RIOK3: variants seen among roughly 807,000 people sequenced by gnomAD.
RIOK3 encodes RIO kinase 3.
RIOK3 carries 40 observed loss-of-function variants against 63.5 expected under a neutral mutation model. That is an observed-to-expected ratio of 0.63 (90% CI 0.49 to 0.82). The LOEUF (loss-of-function observed/expected upper bound fraction) is 0.82, where lower values mean the gene tolerates loss of function less well. Among genes scored for constraint, RIOK3 ranks in the 40% least tolerant of loss-of-function variants. The pLI is 0.00. For synonymous variants in RIOK3, 193 were observed against 205.0 expected (o/e 0.94, Z 0.50); for missense variants, 557 against 637.0 (o/e 0.87, Z 1.35).
intron 7 of RIOK3, among the ~76,000 whole-genome samples, chr18:23,472,937 T>C (rs1163320043): frequency 6.6e-6 from 1 of 152,252 alleles, no homozygotes; most frequent in African/African-American, 2.4e-5. Context: ...ACCTTTCCAA[T>C]GAAGAGGGAC....
Position 23,466,245 on chromosome 18 carries a change from GC to G in RIOK3, c.658del (p.Leu220TyrfsTer100). ...HAYSEERRSARLHEKKEHSTA... is the reference protein window; with the variant it reads ...HAYSEERRSAXLHEKKEHSTA... ...TACTCAGAAGAACGTCGAAGTGCCC[GC>G]CTACATGAGAAAAAGGAGCATTCTA... On this transcript the variant is annotated frameshift_variant, in exon 6 of 13. Coordinates refer to ENST00000339486, the MANE Select transcript of RIOK3 (RefSeq NM_003831.5). LOFTEE classifies it high-confidence loss of function. 6.2e-7 allele frequency: 1 copy of G among 1,609,752 alleles called. No individual in the cohort carries two copies. The highest frequency in any genetic ancestry group is 8.5e-7 in the Non-Finnish European group (1 of 1,178,218).
intron 7 of RIOK3, among the ~76,000 whole-genome samples, chr18:23,469,437 C>T (rs1447412499): frequency 2.3e-5 from 3 of 129,390 alleles, no homozygotes; most frequent in Non-Finnish European, 5.0e-5. Flanking sequence ...TCTCCCTCTC[C>T]TCTCTCCTCT....
intron 9 of RIOK3, 118 bp downstream of exon 9, chr18:23,475,225 T>C (rs1223184727): frequency 1.1e-5 from 8 of 746,672 alleles, no homozygotes; most frequent in Non-Finnish European, 1.7e-5. Flanking sequence ...ATCTAGAACT[T>C]TGGGAGGCTC....
rs1173380978 is a variant in RIOK3, at chr18:23,469,443, CCT to C, written c.815+1932_815+1933del. 2.4e-3 allele frequency among the ~76,000 whole-genome samples: 308 copies of C among 128,886 alleles called. 3 individuals carry two copies. The highest frequency in any genetic ancestry group is 7.6e-3 in the African/African-American group (268 of 35,438). The allele number at this position is 128,886 out of a possible 152,430, so 84.6% of individuals were successfully genotyped here. On this transcript the variant is annotated intron_variant, in intron 7 of 12. Transcript: ENST00000339486. ...CTCTCTCTCTCTCCCTCTCCTCTCT[CCT>C]CTCTCTCTCTCTCTTTTTCTTTCTT... is the stretch of plus-strand genomic sequence containing the variant.
chr18:23,472,044 C>G (rs1487348415), intron 7 of RIOK3, among the ~76,000 whole-genome samples: 1 of 151,912 alleles, frequency 6.6e-6, no homozygotes, highest in African/African-American at 2.4e-5. Flanking sequence ...ACCAGCCTGG[C>G]CAACATGGTG....
chr18:23,474,721 C>T (rs2057477645), intron 8 of RIOK3, among the ~76,000 whole-genome samples: 1 of 152,146 alleles, frequency 6.6e-6, no homozygotes, highest in Admixed American at 6.5e-5. Flanking sequence ...TAGCTCCTAC[C>T]CATACCTCTG....
Position 23,475,009 on chromosome 18 carries a change from A to G in RIOK3, c.1075A>G (p.Met359Val). The change falls in exon 9 of 13, where the codon ATG becomes GTG. Residue 359 changes from methionine (M) to valine (V), a missense_variant. By Grantham distance (21) the Met-to-Val change is conservative. Transcript: ENST00000339486. Reference sequence around the variant, plus strand: ...ACTACTGAAGAAACACATTTTAGTTATGTCTTTTATTGGCCATGATCAAGT... The same window carrying G: ...ACTACTGAAGAAACACATTTTAGTTGTGTCTTTTATTGGCCATGATCAAGT... ...VVLLKKHILV[M>V]SFIGHDQVPA... The G allele has an allele frequency of 6.2e-7, 1 of 1,612,168 alleles. No individual in the cohort carries two copies. The highest frequency in any genetic ancestry group is 8.5e-7 in the Non-Finnish European group (1 of 1,178,220).
chr18:23,477,888 G>T (rs900620108), intron 11 of RIOK3, among the ~76,000 whole-genome samples: 3 of 151,960 alleles, frequency 2.0e-5, no homozygotes, highest in African/African-American at 4.8e-5. Context: ...CGGCCAACAT[G>T]GTGAAACGCT....
intron 7 of RIOK3, among the ~76,000 whole-genome samples, chr18:23,472,392 T>C (rs2057462350): frequency 6.6e-6 from 1 of 152,214 alleles, no homozygotes; most frequent in African/African-American, 2.4e-5. Context: ...TGGGAGAATA[T>C]GGTACAGAAG....
intron 11 of RIOK3, among the ~76,000 whole-genome samples, chr18:23,478,049 G>C (rs959081366): frequency 3.3e-5 from 5 of 150,030 alleles, no homozygotes; most frequent in Admixed American, 3.3e-4. Flanking sequence ...TCCAGCCTGG[G>C]TGACAGAGCA....
intron 11 of RIOK3, among the ~76,000 whole-genome samples, chr18:23,477,766 CAAAAAAA>C (rs538290499): frequency 1.4e-5 from 1 of 69,166 alleles, no homozygotes; most frequent in South Asian, 4.3e-4. Context: ...GGCTCCGTCT[CAAAAAAA>C]AAAAAAAAAA....
Position 23,474,972 on chromosome 18 carries a change from T to C in RIOK3, c.1038T>C (p.Cys346=), listed in dbSNP as rs896587757. The change falls in exon 9 of 13, where the codon TGT becomes TGC. Residue 346 remains cysteine (C), a synonymous_variant. Transcript: ENST00000339486. The stretch of plus-strand genomic sequence containing the variant: ...GAATGCAGAGAGCTGGAATTCCTTG[T>C]CCAACAGTTGTACTACTGAAGAAAC... ...LARMQRAGIP[C]PTVVLLKKHI... 6 of 1,611,580 alleles carry C rather than the reference T, an allele frequency of 3.7e-6. No individual in the cohort carries two copies. The highest frequency in any genetic ancestry group is 5.1e-6 in the Non-Finnish European group (6 of 1,177,820).
At chr18:23,455,386 T>C (rs905965834) in intron 1 of RIOK3, among the ~76,000 whole-genome samples, 5 of 146,684 alleles carry the variant, frequency 3.4e-5, no homozygotes, top group Non-Finnish European at 6.0e-5. Context: ...TTCTTTTTTT[T>C]TTTTTCTTTT....
Position 23,464,003 on chromosome 18 carries a change from T to G in RIOK3, c.216T>G (p.Ile72Met), listed in dbSNP as rs2057388751. ...GACCATTTATTACTGGAGAAAACATTGATACTTCCAGTGACCTTATGCTGG... is the reference window on the plus strand; with the variant it reads ...GACCATTTATTACTGGAGAAAACATGGATACTTCCAGTGACCTTATGCTGG... ...AEGPFITGENIDTSSDLMLAQ... is the reference protein window; with the variant it reads ...AEGPFITGENMDTSSDLMLAQ... Residue 72 changes from isoleucine to methionine, a missense_variant, in exon 3 of 13, where the codon ATT (isoleucine) becomes ATG (methionine). Ile to Met is a conservative substitution (Grantham distance 10). Coordinates refer to ENST00000339486, the MANE Select transcript of RIOK3 (RefSeq NM_003831.5). 6.2e-7 allele frequency: 1 copy of G among 1,611,792 alleles called. No individual in the cohort carries two copies. The highest frequency in any genetic ancestry group is 1.3e-5 in the African/African-American group (1 of 74,886).
Position 23,481,331 on chromosome 18 carries a change from A to G in RIOK3, c.*52A>G, listed in dbSNP as rs778548972. On this transcript the variant is annotated 3_prime_UTR_variant, in exon 13 of 13. Transcript: ENST00000339486. ...ACACAGCAGTGATTGTCAGCTGCCA[A>G]TAGCAAATGAAGTTATGGGTGACTT... 1.1e-5 allele frequency: 13 copies of G among 1,142,046 alleles called. No homozygotes were observed. The highest frequency in any genetic ancestry group is 2.4e-5 in the Admixed American group (1 of 42,430). The allele number at this position is 1,142,046 out of a possible 1,614,324, so 70.7% of individuals were successfully genotyped here.
intron 12 of RIOK3, among the ~76,000 whole-genome samples, chr18:23,480,643 C>T (rs572638341): frequency 3.3e-5 from 5 of 149,408 alleles, no homozygotes; most frequent in Middle Eastern, 3.4e-3. Flanking sequence ...AGTTTTTAAG[C>T]GAGTAAAAAT....
intron 11 of RIOK3, 56 bp from the exon 12 acceptor site, chr18:23,479,261 T>TTTA (rs2057515072): frequency 8.8e-7 from 1 of 1,138,458 alleles, no homozygotes; most frequent in African/African-American, 1.5e-5. Context: ...CTGTTTTTAG[T>TTTA]TTATAAGAGA....
chr18:23,473,723 T>A, intron 8 of RIOK3, 97 bp downstream of exon 8: 1 of 892,192 alleles, frequency 1.1e-6, no homozygotes, highest in South Asian at 1.8e-5. Flanking sequence ...TTTATAGAAA[T>A]AATGAAAGGC....
intron 9 of RIOK3, 90 bp from the exon 10 acceptor site, chr18:23,476,916 A>T (rs1478983505): frequency 1.8e-6 from 2 of 1,107,090 alleles, no homozygotes; most frequent in Non-Finnish European, 2.7e-6. Flanking sequence ...TGTCTCCAAA[A>T]AAATAAAAAA....
Sources: gnomAD v4.1 joint callset for allele counts (sites outside exome capture counted in the v4.1 genomes callset) on GRCh38, gnomAD v4.1.1 for gene constraint, MANE v1.5 for transcripts, NCBI Gene and HGNC (gene_info 2026-07-23, HGNC 2026-07-21) for gene names.